Variants in CADPS observed in about 807,000 individuals in gnomAD.
CADPS encodes the protein calcium dependent secretion activator.
Under a neutral mutation model 167.3 loss-of-function variants are expected in CADPS, and 57 were observed. The ratio of observed to expected loss-of-function variants is 0.34; its 90% CI spans 0.28 to 0.42. The LOEUF is 0.42. Among genes scored for constraint, CADPS ranks in the 20% least tolerant of loss-of-function variants. The probability of loss-of-function intolerance (pLI) is 1.00; values close to 1 mark genes in which losing one functional copy is unlikely to be tolerated. For missense variants in CADPS, 1,414 were observed against 1,738.1 expected (o/e 0.81, Z 3.32); for synonymous variants, 676 against 635.3 (o/e 1.06, Z -0.96).
intron 6 of CADPS, among the ~76,000 whole-genome samples, chr3:62,632,777 T>C (rs538802760): frequency 6.6e-6 from 1 of 151,978 alleles, no homozygotes; most frequent in African/African-American, 2.4e-5. Flanking sequence ...AATGCGTTTA[T>C]TTTTTTTGGT....
At chr3:62,749,625 G>T (rs548600012) in intron 3 of CADPS, among the ~76,000 whole-genome samples, 1 of 152,206 alleles carries the variant, frequency 6.6e-6, no homozygotes, top group African/African-American at 2.4e-5. Context: ...GTGCAGAGCT[G>T]AGTGTAGTCT....
chr3:62,725,846 G>C (rs500262), intron 3 of CADPS, among the ~76,000 whole-genome samples: 100,297 of 151,548 alleles, frequency 0.66, 35,407 homozygotes, highest in African/African-American at 0.91. Flanking sequence ...CAGGATCACA[G>C]TTGACACTCA....
chr3:62,421,735 T>C lies in CADPS; in HGVS notation c.3777+16369A>G, dbSNP rs1248467765. On this transcript the variant is annotated intron_variant, in intron 28 of 29. Coordinates refer to ENST00000383710, the MANE Select transcript of CADPS (RefSeq NM_003716.4). The surrounding 1 kb of genome is among the most constrained non-coding windows in gnomAD (Gnocchi z 4.7). ...GACAATGTCAGATTTCATAATAATA[T>C]TGTGTGTGAGGCTGGAGACGCATTT... Among the ~76,000 whole-genome samples, 3 of 152,064 alleles carry C rather than the reference T, an allele frequency of 2.0e-5. No homozygotes were observed.
At chr3:62,846,678 T>C (rs2077491347) in intron 1 of CADPS, among the ~76,000 whole-genome samples, 1 of 152,210 alleles carries the variant, frequency 6.6e-6, no homozygotes, top group Admixed American at 6.5e-5. Context: ...TTTTGCTTTT[T>C]GTTTTTTGAG....
intron 1 of CADPS, among the ~76,000 whole-genome samples, chr3:62,791,954 G>C (rs2092986642): frequency 6.6e-6 from 1 of 152,136 alleles, no homozygotes; most frequent in South Asian, 2.1e-4. Context: ...TACTTATCAA[G>C]GCTCTTATAA....
intron 1 of CADPS, among the ~76,000 whole-genome samples, chr3:62,772,961 T>C (rs2089299769): frequency 6.6e-6 from 1 of 152,200 alleles, no homozygotes. Context: ...TTGCAATTTT[T>C]AATATAAGCC....
intron 3 of CADPS, among the ~76,000 whole-genome samples, chr3:62,695,667 T>G (rs1236355260): frequency 7.8e-6 from 1 of 128,794 alleles, no homozygotes; most frequent in African/African-American, 2.5e-5. Context: ...TTTTGGTTGC[T>G]TTTTTGTTTT....
chr3:62,494,442 A>T (rs761385251), intron 18 of CADPS, among the ~76,000 whole-genome samples: 11 of 152,166 alleles, frequency 7.2e-5, no homozygotes, highest in Non-Finnish European at 1.5e-4. Context: ...AAAATTCACA[A>T]AGGTACACTA....
chr3:62,695,679 T>C (rs544649985), intron 3 of CADPS, among the ~76,000 whole-genome samples: 1 of 152,188 alleles, frequency 6.6e-6, no homozygotes, highest in South Asian at 2.1e-4. Flanking sequence ...TTTTGTTTTG[T>C]TTTGTTTTTG....
intron 28 of CADPS, chr3:62,404,536 A>G (rs1707662861): frequency 6.6e-6 from 1 of 152,236 alleles, no homozygotes; most frequent in Admixed American, 6.5e-5. Context: ...GAAACGACAC[A>G]GTCTCAGCCA....
intron 20 of CADPS, 75 bp from the exon 21 acceptor site, chr3:62,491,555 ACAAACAC>A: frequency 1.1e-6 from 1 of 916,234 alleles, no homozygotes; most frequent in Non-Finnish European, 1.6e-6. Flanking sequence ...ACACACACAC[ACAAACAC>A]ACACACACAC....
chr3:62,664,397 G>A lies in CADPS; in HGVS notation c.889-2003C>T, dbSNP rs376942540. Among the ~76,000 whole-genome samples the A allele has an allele frequency of 8.3e-4, 127 of 152,278 alleles. 2 individuals carry two copies. The highest frequency in any genetic ancestry group is 2.8e-3 in the African/African-American group (116 of 41,544). On this transcript the variant is annotated intron_variant, in intron 3 of 29. Transcript: ENST00000383710. ...GTTGGAAACTCTCTTCTAAACAAAC[G>A]TAAAGCACACCACCCAAAAGCAGTC...
At chr3:62,604,554 TAC>T (rs2060428559) in intron 6 of CADPS, among the ~76,000 whole-genome samples, 1 of 152,240 alleles carries the variant, frequency 6.6e-6, no homozygotes, top group Admixed American at 6.5e-5. Context: ...CAGTAAAGTC[TAC>T]ATTTTCCAAG....
chr3:62,739,983 C>T (rs1354150956), intron 3 of CADPS, among the ~76,000 whole-genome samples: 1 of 152,204 alleles, frequency 6.6e-6, no homozygotes, highest in Non-Finnish European at 1.5e-5. Context: ...CTATTTTACA[C>T]AATAATGCTG....
chr3:62,777,369 G>A (rs1297260551), intron 1 of CADPS, among the ~76,000 whole-genome samples: 3 of 152,170 alleles, frequency 2.0e-5, no homozygotes, highest in Admixed American at 1.3e-4. Context: ...ATTGGCAGTC[G>A]CTTTTCAGGC....
intron 3 of CADPS, among the ~76,000 whole-genome samples, chr3:62,710,037 G>C (rs541363562): frequency 3.9e-5 from 6 of 152,202 alleles, no homozygotes; most frequent in African/African-American, 1.4e-4. Flanking sequence ...AAATTGCTGG[G>C]ATTACAGGCA....
At chr3:62,727,228 G>A (rs2076909349) in intron 3 of CADPS, among the ~76,000 whole-genome samples, 1 of 151,792 alleles carries the variant, frequency 6.6e-6, no homozygotes, top group African/African-American at 2.4e-5. Flanking sequence ...CAAACTAGAA[G>A]CTTCAAACTA....
intron 28 of CADPS, among the ~76,000 whole-genome samples, chr3:62,419,544 A>C (rs141828197): frequency 6.6e-6 from 1 of 152,320 alleles, no homozygotes; most frequent in Non-Finnish European, 1.5e-5. Context: ...CCTACCACCC[A>C]TTATCCTTGT....
intron 7 of CADPS, among the ~76,000 whole-genome samples, chr3:62,591,964 C>T (rs141931797): frequency 8.3e-4 from 127 of 152,234 alleles, no homozygotes; most frequent in African/African-American, 2.4e-3. Flanking sequence ...TAATGAACTA[C>T]GTGGAGATCT....
Sources: gnomAD v4.1 joint callset for allele counts (sites outside exome capture counted in the v4.1 genomes callset) on GRCh38, gnomAD v4.1.1 for gene constraint, Gnocchi (gnomAD v3.1) non-coding constraint, MANE v1.5 for transcripts, NCBI Gene and HGNC (gene_info 2026-07-23, HGNC 2026-07-21) for gene names.